Variants in XPO4 observed in about 807,000 individuals in gnomAD.
XPO4 encodes the protein exportin-4.
XPO4 carries 39 observed loss-of-function variants against 143.0 expected under a neutral mutation model. The ratio of observed to expected loss-of-function variants is 0.27; its 90% CI spans 0.21 to 0.36. The LOEUF is 0.36. XPO4 is among the 10% of genes least tolerant of loss of function. XPO4 has a pLI of 1.00. For synonymous variants in XPO4, 439 were observed against 474.0 expected (o/e 0.93, Z 0.96); for missense variants, 907 against 1,348.0 (o/e 0.67, Z 5.12).
intron 1 of XPO4, among the ~76,000 whole-genome samples, chr13:20,889,129 G>T (rs914148455): frequency 2.0e-5 from 3 of 151,954 alleles, no homozygotes; most frequent in African/African-American, 7.2e-5. Context: ...CACTCTTTTT[G>T]TGTTCTTCAA....
chr13:20,867,834 T>C (rs1484890497), intron 2 of XPO4, among the ~76,000 whole-genome samples: 1 of 152,150 alleles, frequency 6.6e-6, no homozygotes, highest in Non-Finnish European at 1.5e-5. Context: ...ACTAGAGCCT[T>C]ACAAAAGATG....
At position 20,843,904 on chromosome 13, in the gene XPO4, G is replaced by C; in HGVS notation, c.457-18C>G. The C allele has an allele frequency of 1.3e-6, 2 of 1,563,850 alleles. No homozygotes were observed. The highest frequency in any genetic ancestry group is 1.8e-6 in the Non-Finnish European group (2 of 1,136,938). On this transcript the variant is annotated intron_variant, in intron 4 of 22. Transcript: ENST00000255305. ...AGAGTTTGCTGTAATTATTTGATAAGAAATAATTGTGAGGCATTACTGTTT... is the reference window on the plus strand; with the variant it reads ...AGAGTTTGCTGTAATTATTTGATAACAAATAATTGTGAGGCATTACTGTTT...
intron 3 of XPO4, among the ~76,000 whole-genome samples, chr13:20,862,163 G>C (rs2060207189): frequency 6.6e-6 from 1 of 151,856 alleles, no homozygotes; most frequent in Non-Finnish European, 1.5e-5. Context: ...CCTCTCCCCT[G>C]TTTTAGGATA....
intron 20 of XPO4, among the ~76,000 whole-genome samples, chr13:20,788,213 G>A (rs1451664437): frequency 1.3e-5 from 2 of 151,804 alleles, no homozygotes; most frequent in Non-Finnish European, 2.9e-5. Context: ...CTGCCACCAC[G>A]CCCAGCTAAT....
At chr13:20,880,611 GGATA>G (rs1165689331) in intron 1 of XPO4, among the ~76,000 whole-genome samples, 2 of 152,022 alleles carry the variant, frequency 1.3e-5, no homozygotes, top group Admixed American at 6.6e-5. Flanking sequence ...AAGAATGAAT[GGATA>G]AACAAAACAT....
At chr13:20,827,777 A>T (rs891207989) in intron 6 of XPO4, among the ~76,000 whole-genome samples, 3 of 152,270 alleles carry the variant, frequency 2.0e-5, no homozygotes, top group Non-Finnish European at 4.4e-5. Context: ...TGCTTATTTA[A>T]AATTCCCACA....
At chr13:20,848,177 A>G (rs1024429623) in intron 4 of XPO4, 27 of 939,380 alleles carry the variant, frequency 2.9e-5, no homozygotes, top group Non-Finnish European at 3.3e-5. Context: ...TTCTAAATGG[A>G]TCATTTTCAT....
intron 20 of XPO4, among the ~76,000 whole-genome samples, 161 bp downstream of exon 20, chr13:20,788,324 TG>T: frequency 6.6e-6 from 1 of 152,212 alleles, no homozygotes; most frequent in Admixed American, 6.5e-5. Flanking sequence ...CCCAAAGTGC[TG>T]GAATTACAGG....
chr13:20,885,169 C>T (rs181269393), intron 1 of XPO4, among the ~76,000 whole-genome samples: 2 of 152,166 alleles, frequency 1.3e-5, no homozygotes, highest in African/African-American at 4.8e-5. Flanking sequence ...AGGCTGGTCT[C>T]GAACTCCCAA....
chr13:20,801,587 A>G (rs182436692), intron 13 of XPO4, among the ~76,000 whole-genome samples: 8 of 152,352 alleles, frequency 5.3e-5, no homozygotes, highest in East Asian at 1.9e-4. Context: ...CCTACACTAC[A>G]TAATTCATAT....
At chr13:20,807,428 C>A in intron 13 of XPO4, 29 bp downstream of exon 13, 1 of 1,575,658 alleles carries the variant, frequency 6.3e-7, no homozygotes, top group Non-Finnish European at 8.6e-7. Context: ...ATAAAAATTA[C>A]AAGAGCACAG....
intron 6 of XPO4, among the ~76,000 whole-genome samples, chr13:20,839,207 T>C (rs1003712652): frequency 1.3e-5 from 2 of 152,140 alleles, no homozygotes; most frequent in Non-Finnish European, 2.9e-5. Context: ...GAGGTTGCAG[T>C]GAGCCGAGAT....
At chr13:20,897,918 A>T (rs2060584849) in intron 1 of XPO4, among the ~76,000 whole-genome samples, 1 of 152,050 alleles carries the variant, frequency 6.6e-6, no homozygotes, top group Non-Finnish European at 1.5e-5. Context: ...TCGCCCAGAT[A>T]ATTTTTGTAT....
intron 13 of XPO4, 93 bp downstream of exon 13, chr13:20,807,364 A>C: frequency 8.0e-7 from 1 of 1,255,530 alleles, no homozygotes; most frequent in Middle Eastern, 2.7e-4. Context: ...TCAGATTTAC[A>C]ACGTGCCTAT....
chr13:20,859,971 A>C, intron 3 of XPO4: 1 of 400,042 alleles, frequency 2.5e-6, no homozygotes. Context: ...TGACAACTAA[A>C]CAGCTCCACA....
In XPO4 at chr13:20,796,740, G is replaced by A. The variant is rs769170323; in HGVS notation, c.2616+24C>T. 3 of 1,535,752 alleles carry A rather than the reference G, an allele frequency of 2.0e-6. No individual in the cohort carries two copies. In the Admixed American group the frequency reaches 5.9e-5, roughly 30 times the overall value. On this transcript the variant is annotated intron_variant, in intron 17 of 22. Transcript: ENST00000255305. ...AGCTTCAAAGAGTTTTAATCCTGAGGGGATAAAATTAGAAAGTGCTTACCT... is the reference window on the plus strand; with the variant it reads ...AGCTTCAAAGAGTTTTAATCCTGAGAGGATAAAATTAGAAAGTGCTTACCT...
intron 18 of XPO4, among the ~76,000 whole-genome samples, chr13:20,795,206 A>G (rs932913476): frequency 6.6e-6 from 1 of 152,164 alleles, no homozygotes; most frequent in African/African-American, 2.4e-5. Context: ...GAGGCTAGAT[A>G]TGATTCATTT....
intron 3 of XPO4, among the ~76,000 whole-genome samples, chr13:20,858,450 AAG>A (rs1246094499): frequency 6.6e-6 from 1 of 152,210 alleles, no homozygotes; most frequent in Non-Finnish European, 1.5e-5. Flanking sequence ...ACATATACAT[AAG>A]AGAGAAATTA....
chr13:20,828,894 C>A (rs1279638243), intron 6 of XPO4, among the ~76,000 whole-genome samples: 2 of 152,186 alleles, frequency 1.3e-5, no homozygotes, highest in Admixed American at 6.5e-5. Context: ...TCACCCAATA[C>A]TACAATATAC....
Sources: allele counts gnomAD v4.1 joint callset (sites outside exome capture counted in the v4.1 genomes callset), GRCh38; gene constraint gnomAD v4.1.1; transcripts MANE v1.5; gene names NCBI Gene and HGNC (gene_info 2026-07-23, HGNC 2026-07-21).